RPS6KC1: variants seen among roughly 807,000 people sequenced by gnomAD.
RPS6KC1 encodes the protein ribosomal protein S6 kinase C1.
Under a neutral mutation model 103.8 loss-of-function variants are expected in RPS6KC1, and 54 were observed. The ratio of observed to expected loss-of-function variants is 0.52; its 90% CI spans 0.42 to 0.65. The LOEUF is 0.65. Among genes scored for constraint, RPS6KC1 ranks in the 30% least tolerant of loss-of-function variants. The probability of loss-of-function intolerance (pLI) is 0.00; values close to 1 mark genes in which losing one functional copy is unlikely to be tolerated. For missense variants in RPS6KC1, 1,151 were observed against 1,253.8 expected (o/e 0.92, Z 1.24); for synonymous variants, 439 against 438.7 (o/e 1.00, Z -0.01).
At chr1:213,115,728 T>C (rs1311793853) in intron 4 of RPS6KC1, among the ~76,000 whole-genome samples, 1 of 152,204 alleles carries the variant, frequency 6.6e-6, no homozygotes, top group Non-Finnish European at 1.5e-5. Context: ...GCTTTGAATG[T>C]GTCCCAGAGA....
chr1:213,695,305 A>G, the RPS6KC1 span, among the ~76,000 whole-genome samples: 441 of 152,314 alleles, frequency 2.9e-3, 1 homozygote, highest in African/African-American at 0.01. Flanking sequence ...GTAGGAGAAA[A>G]TAGCTATTAT....
At chr1:213,402,711 G>A in the RPS6KC1 span, among the ~76,000 whole-genome samples, 1 of 152,024 alleles carries the variant, frequency 6.6e-6, no homozygotes, top group Non-Finnish European at 1.5e-5. Context: ...GCCTGAGAAT[G>A]GATTGATTCA....
chr1:213,854,585 T>C, the RPS6KC1 span, among the ~76,000 whole-genome samples: 1 of 151,852 alleles, frequency 6.6e-6, no homozygotes, highest in Admixed American at 6.6e-5. Context: ...TCTCTTTCTT[T>C]CTTTCTTTCT....
chr1:213,450,991 A>C, the RPS6KC1 span, among the ~76,000 whole-genome samples: 4 of 152,136 alleles, frequency 2.6e-5, no homozygotes, highest in African/African-American at 9.7e-5. Flanking sequence ...AAAGAAAGAA[A>C]TATTTGTTGG....
chr1:213,565,428 A>G, the RPS6KC1 span, among the ~76,000 whole-genome samples: 3 of 152,242 alleles, frequency 2.0e-5, no homozygotes, highest in African/African-American at 4.8e-5. Flanking sequence ...GTACTCAACA[A>G]TAAAAAGGGA....
intron 4 of RPS6KC1, among the ~76,000 whole-genome samples, chr1:213,107,738 C>A (rs541835777): frequency 6.6e-6 from 1 of 152,164 alleles, no homozygotes; most frequent in Non-Finnish European, 1.5e-5. Context: ...GTTTTCCAAA[C>A]GGAAAATAGC....
the RPS6KC1 span, among the ~76,000 whole-genome samples, chr1:213,320,384 C>T: frequency 3.9e-4 from 59 of 152,184 alleles, no homozygotes; most frequent in South Asian, 1.0e-3. Flanking sequence ...TACAGCACTG[C>T]GGGCTTGTTA....
chr1:213,122,890 T>C (rs1005260071), intron 5 of RPS6KC1, among the ~76,000 whole-genome samples: 2 of 152,076 alleles, frequency 1.3e-5, no homozygotes, highest in Non-Finnish European at 2.9e-5. Context: ...CAAATGAGAA[T>C]GTACCAGTGT....
At chr1:213,624,344 T>G in the RPS6KC1 span, among the ~76,000 whole-genome samples, 1 of 152,340 alleles carries the variant, frequency 6.6e-6, no homozygotes, top group South Asian at 2.1e-4. Flanking sequence ...ATCTTTGTCC[T>G]GACAGAGCTT....
chr1:213,587,866 CCTT>C, the RPS6KC1 span, among the ~76,000 whole-genome samples: 1 of 152,200 alleles, frequency 6.6e-6, no homozygotes, highest in African/African-American at 2.4e-5. Context: ...GGTAGAAAAT[CCTT>C]CTCCAACCAC....
At chr1:213,556,888 A>C in the RPS6KC1 span, among the ~76,000 whole-genome samples, 1 of 152,266 alleles carries the variant, frequency 6.6e-6, no homozygotes, top group East Asian at 1.9e-4. Context: ...TTTCCATTAC[A>C]GATTTGTGGA....
downstream of RPS6KC1, among the ~76,000 whole-genome samples, chr1:213,276,966 C>T (rs1416404516): frequency 6.6e-6 from 1 of 152,110 alleles, no homozygotes; most frequent in Admixed American, 6.5e-5. Context: ...TGACTCAGTC[C>T]TTTGGCAGGC....
chr1:213,121,615 C>T (rs143692225), intron 5 of RPS6KC1, among the ~76,000 whole-genome samples: 1 of 152,236 alleles, frequency 6.6e-6, no homozygotes, highest in Non-Finnish European at 1.5e-5. Context: ...CAGTTGAGCT[C>T]CTTGACATAT....
At chr1:213,515,361 A>G in the RPS6KC1 span, among the ~76,000 whole-genome samples, 2 of 152,200 alleles carry the variant, frequency 1.3e-5, no homozygotes, top group Admixed American at 6.5e-5. Context: ...TTACGTTGTT[A>G]GGTCTAACAT....
At chr1:213,238,832 A>G (rs182069403) in intron 10 of RPS6KC1, among the ~76,000 whole-genome samples, 4 of 152,222 alleles carry the variant, frequency 2.6e-5, no homozygotes, top group African/African-American at 9.6e-5. Context: ...ACATACAAAG[A>G]TGAAAAAGAC....
the RPS6KC1 span, among the ~76,000 whole-genome samples, chr1:213,856,012 G>A: frequency 6.6e-6 from 1 of 152,194 alleles, no homozygotes; most frequent in African/African-American, 2.4e-5. Context: ...CCCAACCAGC[G>A]GATATGTGAT....
At chr1:213,825,995 T>A in the RPS6KC1 span, among the ~76,000 whole-genome samples, 3 of 152,200 alleles carry the variant, frequency 2.0e-5, no homozygotes, top group Non-Finnish European at 2.9e-5. Context: ...TACCCAGATA[T>A]ATCCACCATC....
At chr1:213,193,790 A>C (rs2092839484) in intron 8 of RPS6KC1, among the ~76,000 whole-genome samples, 2 of 151,774 alleles carry the variant, frequency 1.3e-5, no homozygotes, top group Non-Finnish European at 2.9e-5. Context: ...TACCATGCCT[A>C]GCTAGCTTTG....
chr1:213,830,701 C>T, the RPS6KC1 span, among the ~76,000 whole-genome samples: 4 of 148,210 alleles, frequency 2.7e-5, no homozygotes, highest in Admixed American at 1.4e-4. Context: ...ACTCTCAAAA[C>T]GATATTGAAT....
Sources: allele counts gnomAD v4.1 joint callset (sites outside exome capture counted in the v4.1 genomes callset), GRCh38; gene constraint gnomAD v4.1.1; transcripts MANE v1.5; gene names NCBI Gene and HGNC (gene_info 2026-07-23, HGNC 2026-07-21).